ARHGEF3: variants seen among roughly 807,000 people sequenced by gnomAD.
The protein encoded by ARHGEF3 is Rho guanine nucleotide exchange factor 3, also known as 59.8 kDA protein.
In ARHGEF3, 28 loss-of-function variants were observed where a neutral mutation model predicts 63.2. The ratio of observed to expected loss-of-function variants is 0.44; its 90% CI spans 0.33 to 0.61. The LOEUF (loss-of-function observed/expected upper bound fraction) is 0.61. Ranked by LOEUF, ARHGEF3 falls within the 20% of genes least tolerant of loss-of-function variation. The pLI is 0.03. For synonymous variants in ARHGEF3, 266 were observed against 254.2 expected, an observed-to-expected ratio of 1.05 and a Z score of -0.44; for missense variants, 533 against 659.3, an observed-to-expected ratio of 0.81 and a Z score of 2.10.
chr3:56,989,576 G>A (rs1401984175), intron 2 of ARHGEF3, among the ~76,000 whole-genome samples: 2 of 152,194 alleles, frequency 1.3e-5, no homozygotes, highest in African/African-American at 2.4e-5. Flanking sequence ...CTGAGAGCTG[G>A]CGCTGGATGG....
intron 2 of ARHGEF3, among the ~76,000 whole-genome samples, chr3:56,757,523 A>G (rs891036700): frequency 6.6e-6 from 1 of 152,204 alleles, no homozygotes; most frequent in Non-Finnish European, 1.5e-5. Flanking sequence ...TATTATCTAG[A>G]CAATTCAGAG....
At chr3:56,792,745 G>T (rs2037148279) in intron 1 of ARHGEF3, among the ~76,000 whole-genome samples, 1 of 152,148 alleles carries the variant, frequency 6.6e-6, no homozygotes. Context: ...ACTAGAGCTA[G>T]AATACTACGC....
chr3:56,900,258 A>T (rs1015120317), intron 3 of ARHGEF3, among the ~76,000 whole-genome samples: 6 of 152,242 alleles, frequency 3.9e-5, no homozygotes, highest in Non-Finnish European at 7.3e-5. Context: ...CCAAGTGAGA[A>T]ATCTAAACAC....
chr3:56,747,201 A>G (rs1305341884), intron 6 of ARHGEF3, among the ~76,000 whole-genome samples: 2 of 152,220 alleles, frequency 1.3e-5, no homozygotes, highest in Non-Finnish European at 2.9e-5. Context: ...TTTTAAAAAG[A>G]TCTGGAAATG....
chr3:56,775,799 A>ATC, intron 1 of ARHGEF3: 1 of 281,300 alleles, frequency 3.6e-6, no homozygotes, highest in Non-Finnish European at 4.6e-6. Context: ...CACACGCGCA[A>ATC]GCACACACAC....
intron 3 of ARHGEF3, among the ~76,000 whole-genome samples, chr3:56,921,988 C>T (rs1304156517): frequency 6.6e-6 from 1 of 152,046 alleles, no homozygotes; most frequent in African/African-American, 2.4e-5. Context: ...TGTCTTTATT[C>T]TCTCTAAACA....
chr3:57,060,929 G>A (rs1705191418), intron 1 of ARHGEF3: 1 of 149,314 alleles, frequency 6.7e-6, no homozygotes, highest in Non-Finnish European at 1.5e-5. Context: ...TAAAGAAAAA[G>A]TCCAGGAGAG....
chr3:56,808,790 G>A (rs1176466423), intron 4 of ARHGEF3, among the ~76,000 whole-genome samples: 3 of 152,158 alleles, frequency 2.0e-5, no homozygotes, highest in Non-Finnish European at 2.9e-5. Context: ...CTGTCTGGAT[G>A]TATTTTTGAT....
At chr3:56,958,706 G>A (rs1434607944) in intron 3 of ARHGEF3, 8 of 1,091,016 alleles carry the variant, frequency 7.3e-6, no homozygotes, top group East Asian at 2.6e-5. Flanking sequence ...GCACAGATGC[G>A]CTCCTGATGG....
intron 3 of ARHGEF3, among the ~76,000 whole-genome samples, chr3:56,944,742 CTAATTTT>C (rs1699390155): frequency 6.6e-6 from 1 of 151,736 alleles, no homozygotes; most frequent in Non-Finnish European, 1.5e-5. Flanking sequence ...CCATGTCCAG[CTAATTTT>C]TGTATTTTTA....
intron 2 of ARHGEF3, among the ~76,000 whole-genome samples, chr3:57,011,580 C>T (rs890739859): frequency 3.9e-5 from 6 of 152,150 alleles, no homozygotes; most frequent in African/African-American, 1.2e-4. Flanking sequence ...CCGCCACCCA[C>T]AGCAAAGAAT....
chr3:57,011,726 GAA>G (rs1702709670), intron 2 of ARHGEF3, among the ~76,000 whole-genome samples: 1 of 152,202 alleles, frequency 6.6e-6, no homozygotes, highest in African/African-American at 2.4e-5. Flanking sequence ...TGTGTGACCT[GAA>G]ACTTTGGTCT....
intron 1 of ARHGEF3, among the ~76,000 whole-genome samples, chr3:57,077,627 C>T (rs1706277948): frequency 6.6e-6 from 1 of 152,132 alleles, no homozygotes; most frequent in Admixed American, 6.5e-5. Context: ...GATCAGGTCC[C>T]TGGACCCTTA....
intron 4 of ARHGEF3, among the ~76,000 whole-genome samples, chr3:56,840,689 T>C (rs2039282369): frequency 6.6e-6 from 1 of 152,278 alleles, no homozygotes; most frequent in Non-Finnish European, 1.5e-5. Context: ...ATTTTAAAAC[T>C]GAGAAGACAA....
At chr3:56,921,965 A>G (rs1473628747) in intron 3 of ARHGEF3, among the ~76,000 whole-genome samples, 2 of 152,182 alleles carry the variant, frequency 1.3e-5, no homozygotes, top group African/African-American at 4.8e-5. Context: ...GTTACAAGCA[A>G]TCGCCTGAGC....
chr3:56,947,774 A>T (rs147626177), intron 3 of ARHGEF3, among the ~76,000 whole-genome samples: 17,434 of 152,072 alleles, frequency 0.11, 1,235 homozygotes, highest in East Asian at 0.25. Flanking sequence ...TGCACCAAGC[A>T]GACCTAACAG....
At chr3:56,893,577 G>A (rs1431643691) in intron 3 of ARHGEF3, among the ~76,000 whole-genome samples, 5 of 152,060 alleles carry the variant, frequency 3.3e-5, no homozygotes, top group African/African-American at 9.7e-5. Flanking sequence ...AGTCTGAGAC[G>A]GGCGGATCAC....
At chr3:57,040,456 G>A (rs570526439) in intron 1 of ARHGEF3, among the ~76,000 whole-genome samples, 52 of 120,022 alleles carry the variant, frequency 4.3e-4, no homozygotes, top group African/African-American at 1.2e-3. Flanking sequence ...CAGCCTGGGC[G>A]ACAGAATAAG....
chr3:56,971,998 A>G (rs1184686461), intron 2 of ARHGEF3, among the ~76,000 whole-genome samples: 3 of 152,072 alleles, frequency 2.0e-5, no homozygotes, highest in Non-Finnish European at 4.4e-5. Flanking sequence ...CACTCCTGAG[A>G]GACCTTATCT....
Sources: allele counts gnomAD v4.1 joint callset (sites outside exome capture counted in the v4.1 genomes callset), GRCh38; gene constraint gnomAD v4.1.1; transcripts MANE v1.5; gene names NCBI Gene and HGNC (gene_info 2026-07-23, HGNC 2026-07-21).